Variants in LTV1 observed in about 807,000 individuals in gnomAD.
LTV1 encodes the protein protein LTV1 homolog.
Under a neutral mutation model 59.9 loss-of-function variants are expected in LTV1, and 39 were observed. The ratio of observed to expected loss-of-function variants is 0.65; its 90% CI spans 0.50 to 0.85. LTV1 has a LOEUF of 0.85. LTV1 is among the 40% of genes least tolerant of loss of function. LTV1 has a pLI of 0.00. For synonymous variants in LTV1, 171 were observed against 189.5 expected (o/e 0.90, Z 0.80); for missense variants, 493 against 549.1 (o/e 0.90, Z 1.02).
rs777242785 is a variant in LTV1 at position 143,858,144 on chromosome 6, A to G, written c.795+137A>G. On this transcript the variant is annotated intron_variant, in intron 6 of 10. Coordinates refer to ENST00000367576, the MANE Select transcript of LTV1 (RefSeq NM_032860.5). ...ATAGGAAGTTTACAACTATCCAGCT[A>G]TAGGTTCGTGTAGCCAGCATAAAGC... The G allele has an allele frequency of 7.6e-6, 6 of 791,120 alleles. 1 individual carries two copies. Among genetic ancestry groups the G allele is most frequent in the Middle Eastern group, 2.4e-4 (1 of 4,246 alleles). The allele number at this position is 791,120 out of a possible 1,614,324, so 49.0% of individuals were successfully genotyped here.
Position 143,855,552 on chromosome 6 carries a change from T to A in LTV1, c.398-1751T>A, listed in dbSNP as rs1236984546. Among the ~76,000 whole-genome samples the A allele has an allele frequency of 5.3e-5, 8 of 152,186 alleles. 1 individual carries two copies. The highest frequency in any genetic ancestry group is 5.2e-4 in the Admixed American group (8 of 15,268). On this transcript the variant is annotated intron_variant, in intron 4 of 10. Coordinates refer to ENST00000367576, the MANE Select transcript of LTV1 (RefSeq NM_032860.5). This position sits in a 1 kb window ranked among gnomAD's most constrained non-coding sequence, Gnocchi z 4.6. ...TCTTCTTAGTATCGATGGTCTTTAC[T>A]GTTTGGTACGTTTTGCAGTGGCTGG...
intron 6 of LTV1, among the ~76,000 whole-genome samples, chr6:143,860,140 G>T (rs1777138463): frequency 1.3e-5 from 2 of 152,144 alleles, no homozygotes; most frequent in Admixed American, 1.3e-4. Context: ...GACGTAATCT[G>T]TGCTGCCTAG....
At chr6:143,846,496 T>C (rs943653493) in intron 3 of LTV1, among the ~76,000 whole-genome samples, 1 of 152,192 alleles carries the variant, frequency 6.6e-6, no homozygotes, top group African/African-American at 2.4e-5. Flanking sequence ...CACTTTTCAA[T>C]AGGAGAAAAG....
At chr6:143,847,803 T>C (rs532490234) in intron 3 of LTV1, among the ~76,000 whole-genome samples, 1 of 152,364 alleles carries the variant, frequency 6.6e-6, no homozygotes, top group East Asian at 1.9e-4. Context: ...AGAAGTGTGG[T>C]TGGTTTTCTG....
intron 1 of LTV1, among the ~76,000 whole-genome samples, chr6:143,844,233 T>A (rs1776851292): frequency 6.6e-6 from 1 of 152,226 alleles, no homozygotes; most frequent in Non-Finnish European, 1.5e-5. Flanking sequence ...AGGGACTTTA[T>A]CTGACTTTCC....
At chr6:143,850,248 G>A in intron 4 of LTV1, 30 bp downstream of exon 4, 1 of 1,529,302 alleles carries the variant, frequency 6.5e-7, no homozygotes, top group Non-Finnish European at 9.0e-7. Context: ...CTTTTCATAT[G>A]GATAAATGTA....
Position 143,855,335 on chromosome 6 carries a change from C to A in LTV1, c.398-1968C>A, listed in dbSNP as rs925067107. Reference sequence around the variant, plus strand: ...CATTCCTTTATTTTGAGTCTGTGTGCGTCTTTGCACATGAGATAGGTCTCC... The same window carrying A: ...CATTCCTTTATTTTGAGTCTGTGTGAGTCTTTGCACATGAGATAGGTCTCC... On this transcript the variant is annotated intron_variant, in intron 4 of 10. Transcript: ENST00000367576. This position sits in a 1 kb window ranked among gnomAD's most constrained non-coding sequence, Gnocchi z 4.6. Among the ~76,000 whole-genome samples, 11 of 151,974 alleles carry A rather than the reference C, an allele frequency of 7.2e-5. No individual in the cohort carries two copies. Among genetic ancestry groups the A allele is most frequent in the Non-Finnish European group, 1.3e-4 (9 of 67,988 alleles).
In LTV1 at chr6:143,848,463, A is replaced by C. The variant is rs146746333; in HGVS notation, c.310-1668A>C. 8.1e-4 allele frequency among the ~76,000 whole-genome samples: 124 copies of C among 152,318 alleles called. 3 individuals carry two copies. In the East Asian group the frequency reaches 0.023, roughly 28 times the overall value. On this transcript the variant is annotated intron_variant, in intron 3 of 10. Transcript: ENST00000367576. Reference sequence around the variant, plus strand: ...AGCCATAACATCTTGCTGTGTGTACACTGCCATATGTAGCCTTTACTCATG... The same window carrying C: ...AGCCATAACATCTTGCTGTGTGTACCCTGCCATATGTAGCCTTTACTCATG...
chr6:143,843,420 C>G lies in LTV1; in HGVS notation c.-58C>G. Reference sequence around the variant, plus strand: ...TTCAGCTGGACCTTGGTCTCCCCGCCGGACTTCGAGGGTGTCATCGCCGCC... The same window carrying G: ...TTCAGCTGGACCTTGGTCTCCCCGCGGGACTTCGAGGGTGTCATCGCCGCC... On this transcript the variant is annotated 5_prime_UTR_variant, in exon 1 of 11. Transcript: ENST00000367576. The G allele has an allele frequency of 6.2e-7, 1 of 1,610,334 alleles. No individual in the cohort carries two copies. Among genetic ancestry groups the G allele is most frequent in the Non-Finnish European group, 8.5e-7 (1 of 1,179,116 alleles).
chr6:143,862,945 T>C lies in LTV1; in HGVS notation c.1116+49T>C, dbSNP rs2128492397. The C allele has an allele frequency of 6.7e-7, 1 of 1,490,064 alleles. No homozygotes were observed. Among genetic ancestry groups the C allele is most frequent in the Non-Finnish European group, 9.4e-7 (1 of 1,068,010 alleles). 92.3% of individuals were successfully genotyped at this position (1,490,064 alleles called of 1,614,324 possible). On this transcript the variant is annotated intron_variant, in intron 9 of 10. Coordinates refer to ENST00000367576, the MANE Select transcript of LTV1 (RefSeq NM_032860.5). The surrounding 1 kb of genome is among the most constrained non-coding windows in gnomAD (Gnocchi z 4.2). ...TTTGAAGGATGCAGTGCATAAAAAATAGAGTGCACATTTTCGCACAATAAC... is the reference window on the plus strand; with the variant it reads ...TTTGAAGGATGCAGTGCATAAAAAACAGAGTGCACATTTTCGCACAATAAC...
chr6:143,847,740 T>G (rs1776916909), intron 3 of LTV1, among the ~76,000 whole-genome samples: 1 of 152,246 alleles, frequency 6.6e-6, no homozygotes, highest in Non-Finnish European at 1.5e-5. Flanking sequence ...ATAAGGCTCT[T>G]AAATGGACAC....
chr6:143,861,122 C>A (rs1777158035), intron 7 of LTV1, among the ~76,000 whole-genome samples: 1 of 152,228 alleles, frequency 6.6e-6, no homozygotes, highest in Middle Eastern at 3.4e-3. Flanking sequence ...GTCTCAAACT[C>A]TTGACCTCAT....
Position 143,862,874 on chromosome 6 carries a change from A to G in LTV1, c.1094A>G (p.Gln365Arg). The G allele has an allele frequency of 6.3e-7, 1 of 1,596,118 alleles. No individual in the cohort carries two copies. Among genetic ancestry groups the G allele is most frequent in the Non-Finnish European group, 8.6e-7 (1 of 1,163,736 alleles). Residue 365 changes from glutamine (Q) to arginine (R), a missense_variant, in exon 9 of 11, where the codon CAG (glutamine) becomes CGG (arginine). Gln to Arg is a conservative substitution (Grantham distance 43). Coordinates refer to ENST00000367576, the MANE Select transcript of LTV1 (RefSeq NM_032860.5). The surrounding 1 kb of genome is among the most constrained non-coding windows in gnomAD (Gnocchi z 4.2). ...STYSNLYNHPQLIKYQPKPKQ... is the reference protein window; with the variant it reads ...STYSNLYNHPRLIKYQPKPKQ... ...TACTCAAATTTATATAACCATCCACAGCTTATCAAGTATCAACCAAAGGTA... is the reference window on the plus strand; with the variant it reads ...TACTCAAATTTATATAACCATCCACGGCTTATCAAGTATCAACCAAAGGTA...
chr6:143,860,822 G>GGAAT lies in LTV1; in HGVS notation c.923+270_923+273dup, dbSNP rs1211844307. ...AAATGTTCTGAAGTAGAACGTAATG[G>GGAAT]GAATATACGAGGAGCCACTTTCTCC... is the stretch of plus-strand genomic sequence containing the variant. On this transcript the variant is annotated intron_variant, in intron 7 of 10. Transcript: ENST00000367576. 9.9e-5 allele frequency among the ~76,000 whole-genome samples: 15 copies of GGAAT among 152,218 alleles called. No homozygotes were observed. The South Asian group carries it at 3.1e-3, about 32-fold the overall frequency.
rs546438764 is a variant in LTV1, at chr6:143,862,342, T to C, written c.1063+99T>C. The C allele has an allele frequency of 6.3e-6, 7 of 1,108,618 alleles. No individual in the cohort carries two copies. The South Asian group carries it at 1.2e-4, about 19-fold the overall frequency. 68.7% of individuals were successfully genotyped at this position (1,108,618 alleles called of 1,614,324 possible). ...CACGCCTGTAGTAATCCCAGCACTT[T>C]GGGAGGCCGAGGCGGGTGGGTCACC... On this transcript the variant is annotated intron_variant, in intron 8 of 10. Coordinates refer to ENST00000367576, the MANE Select transcript of LTV1 (RefSeq NM_032860.5). The surrounding 1 kb of genome is among the most constrained non-coding windows in gnomAD (Gnocchi z 4.2).
chr6:143,844,516 A>T lies in LTV1; in HGVS notation c.34A>T (p.Lys12Ter), dbSNP rs746812172. The change falls in exon 2 of 11, where the codon AAG becomes TAG. Residue 12 changes from lysine (K) to a stop codon, truncating the protein, a stop_gained. Transcript: ENST00000367576. LOFTEE classifies it high-confidence loss of function. ...CAGGAAGAAAAAGCCCTTTATAGAG[A>T]AGAAGAAAGCTGTGTCTTTTCACTT... ...PHRKKKPFIE[K>*]KKAVSFHLVH... is the part of the protein sequence containing the mutation. 1 of 1,614,002 alleles carries T rather than the reference A, an allele frequency of 6.2e-7. No individual in the cohort carries two copies. Among genetic ancestry groups the T allele is most frequent in the Non-Finnish European group, 8.5e-7 (1 of 1,179,962 alleles).
chr6:143,846,568 G>A (rs1776894682), intron 3 of LTV1, among the ~76,000 whole-genome samples: 1 of 152,220 alleles, frequency 6.6e-6, no homozygotes, highest in African/African-American at 2.4e-5. Flanking sequence ...CTTGTTCTAA[G>A]ATAGGACTTA....
chr6:143,843,645 T>C (rs1267160659), intron 1 of LTV1, among the ~76,000 whole-genome samples, 165 bp downstream of exon 1: 2 of 152,174 alleles, frequency 1.3e-5, no homozygotes, highest in Non-Finnish European at 2.9e-5. Flanking sequence ...TGGGCATTCT[T>C]TGCAAGTTAC....
chr6:143,863,311 G>C lies in LTV1; in HGVS notation c.1317+25G>C. 1 of 1,609,190 alleles carries C rather than the reference G, an allele frequency of 6.2e-7. No homozygotes were observed. The highest frequency in any genetic ancestry group is 1.1e-5 in the South Asian group (1 of 90,344). ...GGTAAAATATATTTTTCAAATGTGAGATTTACAAAGAGCTGGTGGAGGGGA... is the reference window on the plus strand; with the variant it reads ...GGTAAAATATATTTTTCAAATGTGACATTTACAAAGAGCTGGTGGAGGGGA... On this transcript the variant is annotated intron_variant, in intron 10 of 10. Transcript: ENST00000367576. The surrounding 1 kb of genome is among the most constrained non-coding windows in gnomAD (Gnocchi z 4.5).
Sources: gnomAD v4.1 joint callset for allele counts (sites outside exome capture counted in the v4.1 genomes callset) on GRCh38, gnomAD v4.1.1 for gene constraint, Gnocchi (gnomAD v3.1) non-coding constraint, MANE v1.5 for transcripts, NCBI Gene and HGNC (gene_info 2026-07-23, HGNC 2026-07-21) for gene names.